Variants in LIN28B observed in about 807,000 individuals in gnomAD.
LIN28B encodes the protein protein lin-28 homolog B.
A neutral mutation model predicts 21.9 loss-of-function variants in LIN28B; 5 were observed. The ratio of observed to expected loss-of-function variants is 0.23; its 90% CI spans 0.12 to 0.48. LIN28B has a LOEUF of 0.48. Among genes scored for constraint, LIN28B ranks in the 20% least tolerant of loss-of-function variants. The probability of loss-of-function intolerance (pLI) is 0.98; values close to 1 mark genes in which losing one functional copy is unlikely to be tolerated. For synonymous variants in LIN28B, 109 were observed against 111.3 expected (o/e 0.98, Z 0.13); for missense variants, 245 against 310.5 (o/e 0.79, Z 1.58).
chr6:105,050,257 A>G (rs1319295012), intron 3 of LIN28B, among the ~76,000 whole-genome samples: 1 of 152,112 alleles, frequency 6.6e-6, no homozygotes, highest in Non-Finnish European at 1.5e-5. Context: ...TCCTTCACTT[A>G]TGAAGCTTAG....
At position 104,958,137 on chromosome 6, in the gene LIN28B, C is replaced by T. The variant is rs768550958; in HGVS notation, c.49C>T (p.Leu17=). 2 of 1,605,668 alleles carry T rather than the reference C, an allele frequency of 1.2e-6. No individual in the cohort carries two copies. Among genetic ancestry groups the T allele is most frequent in the Admixed American group, 1.7e-5 (1 of 59,870 alleles). The change falls in exon 2 of 4, where the codon CTG becomes TTG. Residue 17 remains leucine, a synonymous_variant. Coordinates refer to ENST00000345080, the MANE Select transcript of LIN28B (RefSeq NM_001004317.4). ...SKGGGEEPGK[L]PEPAEEESQV... ...AGGTGGTGGAGAAGAGCCCGGGAAG[C>T]TGCCGGAGCCGGCAGAGGAGGAATC... is the stretch of plus-strand genomic sequence containing the variant.
At chr6:105,000,652 A>G (rs1476204315) in intron 2 of LIN28B, among the ~76,000 whole-genome samples, 1 of 151,690 alleles carries the variant, frequency 6.6e-6, no homozygotes, top group Admixed American at 6.5e-5. Flanking sequence ...AATTTAAATA[A>G]TAAAGAATAA....
Position 104,964,147 on chromosome 6 carries a change from T to G in LIN28B, c.198+5861T>G, listed in dbSNP as rs187674474. On this transcript the variant is annotated intron_variant, in intron 2 of 3. Transcript: ENST00000345080. ...GTTATGTCTATTTTAACCGAGCAGC[T>G]CTTTTGGTTTGTGATTAACTTAAAA... Among the ~76,000 whole-genome samples the G allele has an allele frequency of 5.9e-5, 9 of 152,314 alleles. No individual in the cohort carries two copies. In the East Asian group the frequency reaches 1.7e-3, roughly 29 times the overall value.
chr6:104,937,886 G>A (rs1343607442), intron 2 of LIN28B, among the ~76,000 whole-genome samples: 1 of 151,788 alleles, frequency 6.6e-6, no homozygotes, highest in Non-Finnish European at 1.5e-5. Flanking sequence ...GTAAGAGCCT[G>A]TTCTCTTTGG....
intron 2 of LIN28B, chr6:104,940,605 T>C (rs1778070690): frequency 6.6e-6 from 1 of 150,500 alleles, no homozygotes; most frequent in African/African-American, 2.4e-5. Context: ...ACGCGGCCGG[T>C]AGCGGCGGCG....
intron 2 of LIN28B, among the ~76,000 whole-genome samples, chr6:105,001,596 A>G (rs1429048185): frequency 6.6e-6 from 1 of 152,224 alleles, no homozygotes; most frequent in African/African-American, 2.4e-5. Context: ...CCAGGATTCT[A>G]AGGGAAAAGG....
intron 2 of LIN28B, among the ~76,000 whole-genome samples, chr6:105,012,988 A>G (rs1273441056): frequency 6.6e-6 from 1 of 152,066 alleles, no homozygotes; most frequent in African/African-American, 2.4e-5. Flanking sequence ...AAGCCATTCT[A>G]GTGGCTGTGT....
chr6:104,954,550 C>A (rs1017708774), upstream of LIN28B, among the ~76,000 whole-genome samples: 6 of 152,128 alleles, frequency 3.9e-5, no homozygotes, highest in African/African-American at 1.4e-4. Context: ...TTTTACCCTC[C>A]CCCAAGGTAT....
In LIN28B at chr6:105,031,331, A is replaced by G. The variant is rs1771418729; in HGVS notation, c.383+4849A>G. ...ATTTTTTGAGTACTTTCTTACTGGT[A>G]TAAGATACTTTCATACTGACCTTAT... On this transcript the variant is annotated intron_variant, in intron 3 of 3. Transcript: ENST00000345080. Among the ~76,000 whole-genome samples the G allele has an allele frequency of 2.0e-5, 3 of 152,052 alleles. No homozygotes were observed. In the South Asian group the frequency reaches 6.2e-4, roughly 31 times the overall value.
chr6:105,072,060 G>A (rs1469961116), intron 3 of LIN28B, among the ~76,000 whole-genome samples: 2 of 151,750 alleles, frequency 1.3e-5, no homozygotes, highest in African/African-American at 2.4e-5. Context: ...CAAAGTCTCA[G>A]GAAAAGTCTA....
chr6:104,956,978 C>A, upstream of LIN28B: 2 of 828,524 alleles, frequency 2.4e-6, no homozygotes, highest in Non-Finnish European at 3.5e-6. Context: ...GATGAAATGG[C>A]GATTGGTTAT....
At chr6:105,060,812 A>G (rs1332580340) in intron 3 of LIN28B, among the ~76,000 whole-genome samples, 3 of 152,240 alleles carry the variant, frequency 2.0e-5, no homozygotes, top group Non-Finnish European at 4.4e-5. Flanking sequence ...GGTTGGGTCA[A>G]AATGACCTTG....
At chr6:105,066,468 T>C (rs1255620012) in intron 3 of LIN28B, among the ~76,000 whole-genome samples, 1 of 152,214 alleles carries the variant, frequency 6.6e-6, no homozygotes, top group East Asian at 1.9e-4. Flanking sequence ...GAAGCTGTTA[T>C]CTAATCTTGT....
At chr6:104,974,319 T>C (rs1194089350) in intron 2 of LIN28B, among the ~76,000 whole-genome samples, 8 of 151,670 alleles carry the variant, frequency 5.3e-5, no homozygotes, top group African/African-American at 1.7e-4. Flanking sequence ...TGAAACCCCG[T>C]CTCTGCTAAA....
At chr6:105,064,996 A>G (rs1478804870) in intron 3 of LIN28B, among the ~76,000 whole-genome samples, 1 of 152,244 alleles carries the variant, frequency 6.6e-6, no homozygotes, top group Non-Finnish European at 1.5e-5. Flanking sequence ...ATTAGAAGTT[A>G]TTAAGAGTAT....
Position 105,023,527 on chromosome 6 carries a change from AT to A in LIN28B, c.199-2769del, listed in dbSNP as rs371094332. Among the ~76,000 whole-genome samples the A allele has an allele frequency of 8.3e-3, 2 of 240 alleles. 1 individual carries two copies. The highest frequency in any genetic ancestry group is 0.027 in the Non-Finnish European group (2 of 74). 0.2% of individuals were successfully genotyped at this position (240 alleles called of 152,430 possible). A position where few individuals can be genotyped will look rare whatever the true frequency, so the allele number is the denominator to read the frequency against. On this transcript the variant is annotated intron_variant, in intron 2 of 3. Transcript: ENST00000345080. ...TATATTATATAATATATATAATTAT[AT>A]TATATAATATATATAATATATAACC...
chr6:104,937,314 C>G (rs2895599), intron 2 of LIN28B, among the ~76,000 whole-genome samples: 151,909 of 152,278 alleles, frequency 1, 75,771 homozygotes, highest in Non-Finnish European at 1. Flanking sequence ...TTTGTAGAGA[C>G]GCGGTGACCA....
At chr6:105,021,237 G>C (rs1771135641) in intron 2 of LIN28B, among the ~76,000 whole-genome samples, 1 of 151,918 alleles carries the variant, frequency 6.6e-6, no homozygotes, top group African/African-American at 2.4e-5. Context: ...TATCCATTGT[G>C]TATATATATA....
intron 2 of LIN28B, among the ~76,000 whole-genome samples, chr6:104,988,208 AT>A (rs1489553065): frequency 6.6e-6 from 1 of 152,226 alleles, no homozygotes; most frequent in Non-Finnish European, 1.5e-5. Context: ...AATATGTCAA[AT>A]TATGGCAATT....
Sources: allele counts gnomAD v4.1 joint callset (sites outside exome capture counted in the v4.1 genomes callset), GRCh38; gene constraint gnomAD v4.1.1; transcripts MANE v1.5; gene names NCBI Gene and HGNC (gene_info 2026-07-23, HGNC 2026-07-21).